NPHP3: variants seen among roughly 807,000 people sequenced by gnomAD.
The protein encoded by NPHP3 is nephrocystin-3.
In NPHP3, 123 loss-of-function variants were observed where a neutral mutation model predicts 171.9. The observed-to-expected ratio is 0.72, with a 90% CI of 0.62 to 0.83. The LOEUF (loss-of-function observed/expected upper bound fraction) is 0.83. NPHP3 is among the 40% of genes least tolerant of loss of function. NPHP3 has a pLI of 0.00. For synonymous variants in NPHP3, 558 were observed against 579.2 expected, an observed-to-expected ratio of 0.96 and a Z score of 0.52; for missense variants, 1,506 against 1,591.9, an observed-to-expected ratio of 0.95 and a Z score of 0.92.
chr3:132,709,471 T>C (rs916698101), intron 6 of NPHP3, among the ~76,000 whole-genome samples: 1 of 151,906 alleles, frequency 6.6e-6, no homozygotes, highest in Non-Finnish European at 1.5e-5. Flanking sequence ...TTTGTAGAGA[T>C]GGGGTTTCAC....
chr3:132,694,380 T>C (rs1407684054), intron 16 of NPHP3, among the ~76,000 whole-genome samples: 24 of 144,430 alleles, frequency 1.7e-4, no homozygotes, highest in African/African-American at 4.9e-4. Context: ...TGTGTGTGTT[T>C]ACACACACAC....
At position 132,689,215 on chromosome 3, in the gene NPHP3, G is replaced by A; in HGVS notation, c.2742C>T (p.Asp914=). 1 of 1,614,068 alleles carries A rather than the reference G, an allele frequency of 6.2e-7. No homozygotes were observed. The highest frequency in any genetic ancestry group is 8.5e-7 in the Non-Finnish European group (1 of 1,179,962). ...LLSYWQFVGK[D]KSAMATEYFD... ...AGTATTCTGTTGCCATTGCACTTTT[G>A]TCTTTGCCAACAAACTGCCAATAAC... Residue 914 remains aspartate, a synonymous_variant, in exon 20 of 27, where the codon GAC becomes GAT. Transcript: ENST00000337331.
In NPHP3 at chr3:132,705,826, T is replaced by C; in HGVS notation, c.1276-12A>G. The C allele has an allele frequency of 7.1e-7, 1 of 1,405,486 alleles. No individual in the cohort carries two copies. Among genetic ancestry groups the C allele is most frequent in the African/African-American group, 1.4e-5 (1 of 70,862 alleles). 87.1% of individuals were successfully genotyped at this position (1,405,486 alleles called of 1,614,324 possible). ...GAGTGATCAATGATCTAGATAAAAA[T>C]CATTTAAGAACAATGAGAAAAACCA... On this transcript the variant is annotated splice_polypyrimidine_tract_variant and intron_variant, in intron 7 of 26. Coordinates refer to ENST00000337331, the MANE Select transcript of NPHP3 (RefSeq NM_153240.5).
At position 132,715,337 on chromosome 3, in the gene NPHP3, C is replaced by G. The variant is rs1324151259; in HGVS notation, c.824-119G>C. The G allele has an allele frequency of 6.4e-6, 5 of 786,340 alleles. No homozygotes were observed. In the East Asian group the frequency reaches 1.0e-4, roughly 16 times the overall value. 48.7% of individuals were successfully genotyped at this position (786,340 alleles called of 1,614,324 possible). The stretch of plus-strand genomic sequence containing the variant: ...TGGAATCTGATCTTACATGTTAATA[C>G]TGCCATACCTTCTAGAGTAATATAT... On this transcript the variant is annotated intron_variant, in intron 4 of 26. Coordinates refer to ENST00000337331, the MANE Select transcript of NPHP3 (RefSeq NM_153240.5).
At chr3:132,690,477 ACAAC>A (rs1352109046) in intron 19 of NPHP3, 47 bp downstream of exon 19, 32 of 1,565,380 alleles carry the variant, frequency 2.0e-5, no homozygotes, top group Non-Finnish European at 2.7e-5. Context: ...GTTAAACTGA[ACAAC>A]TTTAAATCTC....
chr3:132,697,101 C>A (rs1939473739), intron 14 of NPHP3, among the ~76,000 whole-genome samples, 159 bp downstream of exon 14: 1 of 152,164 alleles, frequency 6.6e-6, no homozygotes, highest in Admixed American at 6.5e-5. Flanking sequence ...TTCTTTTCTA[C>A]CTGTCATTAG....
Position 132,696,767 on chromosome 3 carries a change from G to GCATT in NPHP3, c.2131_2134dup (p.Ala712GlufsTer23). The GCATT allele has an allele frequency of 6.2e-7, 1 of 1,614,052 alleles. No individual in the cohort carries two copies. Among genetic ancestry groups the GCATT allele is most frequent in the Non-Finnish European group, 8.5e-7 (1 of 1,179,994 alleles). On this transcript the variant is annotated frameshift_variant, in exon 15 of 27. Coordinates refer to ENST00000337331, the MANE Select transcript of NPHP3 (RefSeq NM_153240.5). LOFTEE classifies it high-confidence loss of function. ...TTTGCCGAAAAGGGTGACATAAAGGGCATTGCAGGTTGTAGCAGAACGACA... is the reference window on the plus strand; with the variant it reads ...TTTGCCGAAAAGGGTGACATAAAGGGCATTCATTGCAGGTTGTAGCAGAACGACA...
intron 11 of NPHP3, 40 bp from the exon 12 acceptor site, chr3:132,700,101 G>C: frequency 6.2e-7 from 1 of 1,608,388 alleles, no homozygotes. Flanking sequence ...GTAGTTACAC[G>C]TAGTTACTGA....
chr3:132,691,891 T>TA (rs1939309230), intron 17 of NPHP3, among the ~76,000 whole-genome samples: 1 of 152,198 alleles, frequency 6.6e-6, no homozygotes. Flanking sequence ...AGATAGGCAT[T>TA]AATCCATGAA....
rs114968439 is a variant in NPHP3, at chr3:132,692,345, T to C, written c.2475+309A>G. 4.0e-3 allele frequency among the ~76,000 whole-genome samples: 606 copies of C among 152,332 alleles called. 5 individuals are homozygous for C. Among genetic ancestry groups the C allele is most frequent in the African/African-American group, 0.014 (583 of 41,578 alleles). On this transcript the variant is annotated intron_variant, in intron 17 of 26. Transcript: ENST00000337331. Reference sequence around the variant, plus strand: ...ATACCGCAATTCAATGAAACATAATTGAAAAAGACTTTTTTTCTCTTCAAG... The same window carrying C: ...ATACCGCAATTCAATGAAACATAATCGAAAAAGACTTTTTTTCTCTTCAAG...
chr3:132,704,378 A>G lies in NPHP3; in HGVS notation c.1351-7T>C. ...TCTCAAAACCCAGTATGTCCTAAAC[A>G]CAAAGAACAACCACACAAAAATGAA... On this transcript the variant is annotated splice_polypyrimidine_tract_variant and splice_region_variant and intron_variant, in intron 8 of 26. Transcript: ENST00000337331. 6.2e-7 allele frequency: 1 copy of G among 1,614,170 alleles called. No homozygotes were observed. Among genetic ancestry groups the G allele is most frequent in the Non-Finnish European group, 8.5e-7 (1 of 1,179,996 alleles).
At chr3:132,692,933 C>T (rs1939337227) in intron 16 of NPHP3, 115 bp from the exon 17 acceptor site, 3 of 809,480 alleles carry the variant, frequency 3.7e-6, no homozygotes, top group South Asian at 3.1e-5. Flanking sequence ...ACTTATAATT[C>T]AAATGATTTA....
Position 132,699,346 on chromosome 3 carries a change from ATCGTACCTCCATGC to A in NPHP3, c.1978_1985+6del. 1 of 1,594,024 alleles carries A rather than the reference ATCGTACCTCCATGC, an allele frequency of 6.3e-7. No homozygotes were observed. Among genetic ancestry groups the A allele is most frequent in the East Asian group, 2.2e-5 (1 of 44,790 alleles). On this transcript the variant is annotated splice_donor_variant and splice_donor_5th_base_variant and coding_sequence_variant and intron_variant, in exon 13 of 27. Coordinates refer to ENST00000337331, the MANE Select transcript of NPHP3 (RefSeq NM_153240.5). LOFTEE classifies it high-confidence loss of function. ...GTACTCTGAAAGAACTAAAGTTGGCATCGTACCTCCATGCTGGAGGGCATGTTTCTACATTCACA... is the reference window on the plus strand; with the variant it reads ...GTACTCTGAAAGAACTAAAGTTGGCATGGAGGGCATGTTTCTACATTCACA...
intron 17 of NPHP3, among the ~76,000 whole-genome samples, chr3:132,691,957 C>T (rs936202100): frequency 6.6e-6 from 1 of 152,142 alleles, no homozygotes; most frequent in East Asian, 1.9e-4. Context: ...CAGTCATGTG[C>T]ACATAACAAT....
intron 13 of NPHP3, among the ~76,000 whole-genome samples, chr3:132,697,746 C>T (rs1320840639): frequency 6.6e-6 from 1 of 152,124 alleles, no homozygotes; most frequent in Non-Finnish European, 1.5e-5. Flanking sequence ...TTAACTATTA[C>T]AATATACATT....
chr3:132,713,329 TA>T lies in NPHP3; in HGVS notation c.958-44del, dbSNP rs1560014335. On this transcript the variant is annotated intron_variant, in intron 5 of 26. Transcript: ENST00000337331. ...CATACAAAAGTTTAATGTATTTAAC[TA>T]AAGATCAAGTGAGATTCATACTACT... 6 of 1,404,858 alleles carry T rather than the reference TA, an allele frequency of 4.3e-6. No individual in the cohort carries two copies. The East Asian group carries it at 1.2e-4, about 28-fold the overall frequency. 87.0% of individuals were successfully genotyped at this position (1,404,858 alleles called of 1,614,324 possible). A position where few individuals can be genotyped will look rare whatever the true frequency, so the allele number is the denominator to read the frequency against.
chr3:132,711,872 G>C (rs1455695767), intron 6 of NPHP3, among the ~76,000 whole-genome samples: 2 of 152,232 alleles, frequency 1.3e-5, no homozygotes, highest in Non-Finnish European at 2.9e-5. Flanking sequence ...TCATTGACCA[G>C]GTAGTTCCCT....
intron 24 of NPHP3, 65 bp from the exon 25 acceptor site, chr3:132,683,589 TTCCA>T (rs1939085731): frequency 7.4e-7 from 1 of 1,344,992 alleles, no homozygotes; most frequent in South Asian, 1.3e-5. Context: ...TCAGAGCTTT[TTCCA>T]TAAGTAAAAT....
chr3:132,722,082 CG>C lies in NPHP3; in HGVS notation c.273del (p.Tyr91Ter), dbSNP rs758558609. On this transcript the variant is annotated frameshift_variant, in exon 1 of 27. Transcript: ENST00000337331. LOFTEE classifies it high-confidence loss of function. Reference protein sequence around the residue: ...VPELEYAAAEYERLRKEYEIF... With the variant: ...VPELEYAAAEXERLRKEYEIF... The stretch of plus-strand genomic sequence containing the variant: ...ATCTCGTACTCCTTCCTGAGCCGCT[CG>C]TACTCGGCCGCCGCGTACTCCAGCT... The C allele has an allele frequency of 7.4e-6, 12 of 1,610,906 alleles. No individual in the cohort carries two copies. The highest frequency in any genetic ancestry group is 1.0e-5 in the Non-Finnish European group (12 of 1,179,846).
Sources: allele counts gnomAD v4.1 joint callset (sites outside exome capture counted in the v4.1 genomes callset), GRCh38; gene constraint gnomAD v4.1.1; transcripts MANE v1.5; gene names NCBI Gene and HGNC (gene_info 2026-07-23, HGNC 2026-07-21).